SLC17A1: variants seen among roughly 807,000 people sequenced by gnomAD.
The protein encoded by SLC17A1 is sodium-dependent phosphate transport protein 1.
SLC17A1 carries 51 observed loss-of-function variants against 53.5 expected under a neutral mutation model. The ratio of observed to expected loss-of-function variants is 0.95; its 90% CI spans 0.76 to 1.20. The LOEUF is 1.20. SLC17A1 is among the 50% of genes most tolerant of loss of function. The pLI is 0.00. For synonymous variants in SLC17A1, 179 were observed against 198.8 expected, an observed-to-expected ratio of 0.90 and a Z score of 0.84; for missense variants, 538 against 568.2, an observed-to-expected ratio of 0.95 and a Z score of 0.54.
rs1764218920 is a variant in SLC17A1, at chr6:25,813,150, T to C, written c.680A>G (p.His227Arg). Reference sequence around the variant, plus strand: ...CTTTTCACTGATGCTTATACATGGGTGGTCTTTGGGGTCATCATAAAACAG... The same window carrying C: ...CTTTTCACTGATGCTTATACATGGGCGGTCTTTGGGGTCATCATAAAACAG... Reference protein sequence around the residue: ...FVLFYDDPKDHPCISISEKEY... With the variant: ...FVLFYDDPKDRPCISISEKEY... Residue 227 changes from histidine to arginine, a missense_variant, in exon 7 of 13, where the codon CAC becomes CGC. By Grantham distance (29) the His-to-Arg change is conservative (BLOSUM62 0). Coordinates refer to ENST00000244527, the MANE Select transcript of SLC17A1 (RefSeq NM_005074.5). The C allele has an allele frequency of 6.2e-7, 1 of 1,614,020 alleles. No homozygotes were observed. The highest frequency in any genetic ancestry group is 8.5e-7 in the Non-Finnish European group (1 of 1,180,028).
At chr6:25,820,696 C>G (rs1055847204) in intron 3 of SLC17A1, among the ~76,000 whole-genome samples, 4 of 151,874 alleles carry the variant, frequency 2.6e-5, no homozygotes, top group Admixed American at 6.6e-5. Flanking sequence ...CTGGCTAACA[C>G]AGTGAAACCC....
the SLC17A1 span, among the ~76,000 whole-genome samples, chr6:25,754,424 T>C: frequency 6.6e-6 from 1 of 152,078 alleles, no homozygotes; most frequent in African/African-American, 2.4e-5. Context: ...CCCATCTCCA[T>C]GAAGATTATA....
At chr6:25,770,499 C>T in the SLC17A1 span, 8 of 1,600,528 alleles carry the variant, frequency 5.0e-6, no homozygotes, top group South Asian at 1.1e-5. Flanking sequence ...CCTCACTTTA[C>T]ATGCACTGTC....
At chr6:25,810,214 T>C (rs923560532) in intron 10 of SLC17A1, among the ~76,000 whole-genome samples, 2 of 152,210 alleles carry the variant, frequency 1.3e-5, no homozygotes, top group East Asian at 1.9e-4. Flanking sequence ...ATGATTTTTT[T>C]GGTTAGGATC....
intron 3 of SLC17A1, among the ~76,000 whole-genome samples, chr6:25,821,764 TATACA>T (rs66983783): frequency 0.072 from 11,016 of 152,272 alleles, 434 homozygotes; most frequent in Non-Finnish European, 0.087. Flanking sequence ...TATATTTTTC[TATACA>T]GTGCATTAAC....
the SLC17A1 span, among the ~76,000 whole-genome samples, chr6:25,755,683 A>G: frequency 3.3e-5 from 5 of 152,214 alleles, no homozygotes; most frequent in African/African-American, 1.2e-4. Context: ...TCACACATTT[A>G]TATTTCTACA....
chr6:25,814,797 A>G (rs1298824719), intron 6 of SLC17A1, among the ~76,000 whole-genome samples: 2 of 152,172 alleles, frequency 1.3e-5, no homozygotes, highest in African/African-American at 4.8e-5. Context: ...CAGCCTGGTC[A>G]ACATGGTGAA....
At chr6:25,732,020 C>T in the SLC17A1 span, 2 of 1,506,116 alleles carry the variant, frequency 1.3e-6, no homozygotes, top group Non-Finnish European at 1.8e-6. Flanking sequence ...CCGCGTGGAC[C>T]TGCTTCAGCA....
chr6:25,735,826 A>T, the SLC17A1 span, among the ~76,000 whole-genome samples: 1 of 152,220 alleles, frequency 6.6e-6, no homozygotes, highest in African/African-American at 2.4e-5. Context: ...CAATCAGGGC[A>T]GTCCACTCTG....
chr6:25,822,174 T>G (rs924718978), intron 3 of SLC17A1, among the ~76,000 whole-genome samples: 1 of 152,216 alleles, frequency 6.6e-6, no homozygotes, highest in Admixed American at 6.5e-5. Flanking sequence ...CTATAATCAG[T>G]GTTTCTTACT....
chr6:25,815,905 T>C (rs1764335632), intron 6 of SLC17A1, among the ~76,000 whole-genome samples: 3 of 102,104 alleles, frequency 2.9e-5, no homozygotes. Context: ...CATATGAAAA[T>C]GCTTACTTTT....
At chr6:25,773,053 T>C in the SLC17A1 span, among the ~76,000 whole-genome samples, 9 of 152,182 alleles carry the variant, frequency 5.9e-5, no homozygotes, top group African/African-American at 2.2e-4. Flanking sequence ...TGCCTAGGCT[T>C]GAAACTCCTC....
the SLC17A1 span, among the ~76,000 whole-genome samples, chr6:25,774,299 G>A: frequency 6.6e-6 from 1 of 152,162 alleles, no homozygotes; most frequent in Non-Finnish European, 1.5e-5. Context: ...TTCAATTCCT[G>A]CTGGATGGAT....
chr6:25,734,927 C>G, the SLC17A1 span, among the ~76,000 whole-genome samples: 1 of 152,166 alleles, frequency 6.6e-6, no homozygotes, highest in East Asian at 1.9e-4. Context: ...ATTTAAGTAA[C>G]AACTGCAGGG....
At chr6:25,801,192 A>C (rs1212437113) in intron 10 of SLC17A1, among the ~76,000 whole-genome samples, 1 of 151,934 alleles carries the variant, frequency 6.6e-6, no homozygotes, top group Non-Finnish European at 1.5e-5. Flanking sequence ...AGTAAAGAAT[A>C]TGATGATATT....
chr6:25,794,817 A>G (rs1763571978), intron 12 of SLC17A1, among the ~76,000 whole-genome samples: 1 of 152,206 alleles, frequency 6.6e-6, no homozygotes, highest in Admixed American at 6.5e-5. Context: ...CAATCCTGGT[A>G]TGCCAGGCAT....
chr6:25,752,735 A>G, the SLC17A1 span, among the ~76,000 whole-genome samples: 6 of 152,066 alleles, frequency 3.9e-5, no homozygotes, highest in Non-Finnish European at 8.8e-5. Context: ...GGCGGATCAC[A>G]AGGTCAGGAG....
chr6:25,733,782 CTGTGTG>C, the SLC17A1 span, among the ~76,000 whole-genome samples: 36 of 144,638 alleles, frequency 2.5e-4, no homozygotes, highest in East Asian at 4.0e-3. Flanking sequence ...AAGCCTAATA[CTGTGTG>C]TGTGTGTGTG....
At chr6:25,731,855 C>A in the SLC17A1 span, 174 of 1,602,764 alleles carry the variant, frequency 1.1e-4, no homozygotes, top group Admixed American at 2.5e-4. Context: ...GTTCCCCAGG[C>A]AGCAGCAGGC....
Sources: allele counts gnomAD v4.1 joint callset (sites outside exome capture counted in the v4.1 genomes callset), GRCh38; gene constraint gnomAD v4.1.1; transcripts MANE v1.5; gene names NCBI Gene and HGNC (gene_info 2026-07-23, HGNC 2026-07-21).